The following ATP13A4 variants were observed in gnomAD, a reference collection of about 807,000 sequenced individuals.
ATP13A4 encodes the protein ATPase 13A4, also known as probable cation-transporting ATPase 13A4.
Under a neutral mutation model 142.5 loss-of-function variants are expected in ATP13A4, and 114 were observed. That is an observed-to-expected ratio of 0.80 (90% CI 0.69 to 0.93). ATP13A4 has a LOEUF of 0.93. Ranked by LOEUF, ATP13A4 falls within the 40% of genes least tolerant of loss-of-function variation. The pLI, the probability that ATP13A4 is intolerant of heterozygous loss-of-function variation, is 0.00. For synonymous variants in ATP13A4, 488 were observed against 514.8 expected (o/e 0.95, Z 0.70); for missense variants, 1,392 against 1,454.0 (o/e 0.96, Z 0.69).
chr3:193,501,032 T>C (rs1241769743), intron 3 of ATP13A4, among the ~76,000 whole-genome samples: 1 of 152,192 alleles, frequency 6.6e-6, no homozygotes, highest in African/African-American at 2.4e-5. Flanking sequence ...TAAATGAAGA[T>C]AGTACACCTA....
chr3:193,517,701 G>T (rs1040137168), intron 1 of ATP13A4, among the ~76,000 whole-genome samples: 14 of 146,824 alleles, frequency 9.5e-5, no homozygotes, highest in Admixed American at 9.5e-4. Context: ...GGCCAGGATG[G>T]TCTCATCTCC....
chr3:193,507,233 T>C (rs959416305), intron 2 of ATP13A4, among the ~76,000 whole-genome samples: 7 of 152,234 alleles, frequency 4.6e-5, no homozygotes, highest in African/African-American at 1.7e-4. Flanking sequence ...TAGAGGATTA[T>C]GGATAATGTA....
chr3:193,567,400 G>A (rs1724158134), intron 2 of ATP13A4, among the ~76,000 whole-genome samples: 2 of 152,122 alleles, frequency 1.3e-5, no homozygotes, highest in African/African-American at 4.8e-5. Flanking sequence ...AAAAGTAAAT[G>A]TATTAAAAAT....
upstream of ATP13A4, among the ~76,000 whole-genome samples, chr3:193,557,739 C>A (rs1368865029): frequency 6.6e-6 from 1 of 152,188 alleles, no homozygotes; most frequent in Non-Finnish European, 1.5e-5. Context: ...AAGTGCTCTG[C>A]AAAGAGGTTT....
intron 2 of ATP13A4, among the ~76,000 whole-genome samples, chr3:193,507,745 A>C (rs1470110930): frequency 6.6e-6 from 1 of 152,170 alleles, no homozygotes; most frequent in Non-Finnish European, 1.5e-5. Flanking sequence ...TATAGTGTGT[A>C]GTAAAAAGTT....
At chr3:193,434,292 T>C (rs1242084546) in intron 24 of ATP13A4, among the ~76,000 whole-genome samples, 1 of 152,190 alleles carries the variant, frequency 6.6e-6, no homozygotes, top group Non-Finnish European at 1.5e-5. Flanking sequence ...AAGTGACAAA[T>C]GTGTGGTAAC....
intron 8 of ATP13A4, among the ~76,000 whole-genome samples, chr3:193,483,225 A>G (rs957714463): frequency 6.6e-6 from 1 of 152,178 alleles, no homozygotes; most frequent in Non-Finnish European, 1.5e-5. Context: ...ATCTACAGTG[A>G]CAGAAAGCTG....
rs1300844935 is a variant in ATP13A4 at position 193,442,345 on chromosome 3, C to T, written c.2316+48G>A. On this transcript the variant is annotated intron_variant, in intron 19 of 29. Transcript: ENST00000342695. Reference sequence around the variant, plus strand: ...GGTCAAAGCTGCTCAGTCACCAACACTGCAAGACACATTGATAATGTGGCA... The same window carrying T: ...GGTCAAAGCTGCTCAGTCACCAACATTGCAAGACACATTGATAATGTGGCA... The T allele has an allele frequency of 2.5e-6, 4 of 1,588,864 alleles. No homozygotes were observed. The South Asian group carries it at 4.4e-5, about 18-fold the overall frequency.
intron 14 of ATP13A4, among the ~76,000 whole-genome samples, chr3:193,458,255 G>C (rs1717750864): frequency 6.6e-6 from 1 of 152,216 alleles, no homozygotes; most frequent in Admixed American, 6.5e-5. Flanking sequence ...TAAGTAGTCA[G>C]GGATGCAGGT....
chr3:193,516,194 A>C (rs1016095084), intron 1 of ATP13A4, among the ~76,000 whole-genome samples: 6 of 152,174 alleles, frequency 3.9e-5, no homozygotes, highest in African/African-American at 1.4e-4. Context: ...CTTTAAATCT[A>C]TCAACTTCTT....
intron 2 of ATP13A4, among the ~76,000 whole-genome samples, chr3:193,513,101 T>C (rs1721225719): frequency 6.6e-6 from 1 of 152,208 alleles, no homozygotes; most frequent in South Asian, 2.1e-4. Flanking sequence ...GTATCATGGC[T>C]CACATATCAG....
chr3:193,406,564 A>T (rs888880525), intron 29 of ATP13A4, among the ~76,000 whole-genome samples: 1 of 152,208 alleles, frequency 6.6e-6, no homozygotes, highest in African/African-American at 2.4e-5. Flanking sequence ...AATCACGTGG[A>T]GAAAGAAAGC....
chr3:193,572,852 G>A (rs1295972605), intron 2 of ATP13A4, among the ~76,000 whole-genome samples: 2 of 151,902 alleles, frequency 1.3e-5, no homozygotes, highest in Non-Finnish European at 2.9e-5. Context: ...TAGGCCAGGT[G>A]CAGTGTGACT....
intron 2 of ATP13A4, among the ~76,000 whole-genome samples, chr3:193,508,770 C>CTA (rs1560242426): frequency 6.6e-6 from 1 of 152,080 alleles, no homozygotes; most frequent in African/African-American, 2.4e-5. Context: ...AAACATAATG[C>CTA]TATATTCTCT....
At chr3:193,412,514 C>G (rs1576934287) in intron 26 of ATP13A4, 143 bp from the exon 27 acceptor site, 1 of 385,220 alleles carries the variant, frequency 2.6e-6, no homozygotes, top group Middle Eastern at 8.3e-4. Flanking sequence ...AAAACACACA[C>G]ACACACACAC....
chr3:193,548,480 T>C (rs186619845), intron 1 of ATP13A4, among the ~76,000 whole-genome samples: 2 of 152,300 alleles, frequency 1.3e-5, no homozygotes, highest in East Asian at 3.9e-4. Flanking sequence ...GAATTGAGAA[T>C]AAAGACATTA....
chr3:193,444,389 T>C (rs1314624268), intron 18 of ATP13A4, among the ~76,000 whole-genome samples: 2 of 152,148 alleles, frequency 1.3e-5, no homozygotes, highest in Admixed American at 6.5e-5. Context: ...TGAATGAAAA[T>C]TGAAGATAAT....
At chr3:193,454,547 C>T (rs1354100610) in intron 16 of ATP13A4, among the ~76,000 whole-genome samples, 1 of 152,180 alleles carries the variant, frequency 6.6e-6, no homozygotes, top group Non-Finnish European at 1.5e-5. Flanking sequence ...ACAAGCTCTA[C>T]ACCCAGAAAT....
intron 18 of ATP13A4, among the ~76,000 whole-genome samples, chr3:193,444,871 G>C (rs191610336): frequency 3.3e-5 from 5 of 152,284 alleles, no homozygotes; most frequent in Admixed American, 6.5e-5. Flanking sequence ...AGGCTGGAAG[G>C]ATACAGGGAG....
Sources: allele counts gnomAD v4.1 joint callset (sites outside exome capture counted in the v4.1 genomes callset), GRCh38; gene constraint gnomAD v4.1.1; transcripts MANE v1.5; gene names NCBI Gene and HGNC (gene_info 2026-07-23, HGNC 2026-07-21).